The following SMYD3 variants were observed in gnomAD, a reference collection of about 807,000 sequenced individuals.
The protein encoded by SMYD3 is SET and MYND domain containing 3, also known as histone-lysine N-methyltransferase SMYD3.
SMYD3 carries 36 observed loss-of-function variants against 57.7 expected under a neutral mutation model. The observed-to-expected ratio is 0.62, with a 90% confidence interval of 0.48 to 0.82. SMYD3 has a LOEUF of 0.82. SMYD3 is among the 40% of genes least tolerant of loss of function. The pLI is 0.00. For missense variants in SMYD3, 515 were observed against 538.8 expected (o/e 0.96, Z 0.44); for synonymous variants, 211 against 195.0 (o/e 1.08, Z -0.68).
intron 5 of SMYD3, among the ~76,000 whole-genome samples, chr1:245,981,207 A>G (rs1480450883): frequency 6.6e-6 from 1 of 152,218 alleles, no homozygotes; most frequent in African/African-American, 2.4e-5. Flanking sequence ...ATAAATATTG[A>G]GGTTTTAGGA....
At chr1:246,438,352 A>C (rs1166633245) in intron 1 of SMYD3, among the ~76,000 whole-genome samples, 2 of 152,174 alleles carry the variant, frequency 1.3e-5, no homozygotes, top group African/African-American at 4.8e-5. Context: ...TTCTAATATA[A>C]AACACACATA....
intron 7 of SMYD3, among the ~76,000 whole-genome samples, chr1:245,924,663 T>G (rs1306242041): frequency 2.0e-5 from 3 of 149,410 alleles, no homozygotes; most frequent in South Asian, 4.4e-4. Flanking sequence ...AGCTTTTTTT[T>G]TTTTTTTTTT....
At chr1:246,074,748 A>T (rs554751889) in intron 5 of SMYD3, among the ~76,000 whole-genome samples, 1 of 152,168 alleles carries the variant, frequency 6.6e-6, no homozygotes, top group Non-Finnish European at 1.5e-5. Context: ...CTAGTGCATA[A>T]AATGCCTGAA....
At chr1:246,298,441 G>T (rs914296600) in intron 5 of SMYD3, among the ~76,000 whole-genome samples, 3 of 152,046 alleles carry the variant, frequency 2.0e-5, no homozygotes, top group Non-Finnish European at 2.9e-5. Flanking sequence ...GAATGTAAAA[G>T]AAAGCTGAAT....
chr1:246,311,651 ACACGCG>A (rs1217335477), intron 5 of SMYD3, among the ~76,000 whole-genome samples: 2 of 152,200 alleles, frequency 1.3e-5, no homozygotes, highest in Admixed American at 6.5e-5. Flanking sequence ...ACGCATACAC[ACACGCG>A]CACGCGCGCA....
At chr1:246,296,583 T>C (rs1362755293) in intron 5 of SMYD3, among the ~76,000 whole-genome samples, 1 of 152,116 alleles carries the variant, frequency 6.6e-6, no homozygotes, top group Middle Eastern at 3.2e-3. Context: ...ACTAAATTAT[T>C]TTCTGAAACA....
intron 5 of SMYD3, among the ~76,000 whole-genome samples, chr1:246,240,130 A>G (rs1253538436): frequency 1.3e-5 from 2 of 152,040 alleles, no homozygotes; most frequent in Non-Finnish European, 2.9e-5. Context: ...TTTTGTTTCC[A>G]TTGCTTTTGC....
At chr1:246,339,722 C>T (rs1176183049) in intron 2 of SMYD3, among the ~76,000 whole-genome samples, 2 of 152,204 alleles carry the variant, frequency 1.3e-5, no homozygotes, top group Admixed American at 6.5e-5. Flanking sequence ...CCCAGTGCAA[C>T]ATGTTGAGAG....
chr1:245,911,997 G>C (rs1223819071), intron 8 of SMYD3, among the ~76,000 whole-genome samples: 3 of 151,974 alleles, frequency 2.0e-5, no homozygotes, highest in African/African-American at 7.2e-5. Flanking sequence ...ACACAAATAT[G>C]TACAACTATC....
At chr1:246,448,232 C>T (rs2067576661) in intron 1 of SMYD3, among the ~76,000 whole-genome samples, 1 of 152,104 alleles carries the variant, frequency 6.6e-6, no homozygotes, top group Non-Finnish European at 1.5e-5. Context: ...AAAATAATAA[C>T]ATAATCTCTT....
chr1:246,406,742 TAGTA>T (rs1228367251), intron 1 of SMYD3, among the ~76,000 whole-genome samples: 9 of 152,172 alleles, frequency 5.9e-5, no homozygotes, highest in African/African-American at 1.9e-4. Flanking sequence ...ATCACATAGC[TAGTA>T]AGTGACAGTG....
In SMYD3 at chr1:246,355,303, T is replaced by C. The variant is rs2065894666; in HGVS notation, c.165-209A>G. 5 of 539,494 alleles carry C rather than the reference T, an allele frequency of 9.3e-6. No individual in the cohort carries two copies. In the East Asian group the frequency reaches 1.6e-4, roughly 18 times the overall value. The allele number at this position is 539,494 out of a possible 1,614,324, so 33.4% of individuals were successfully genotyped here. A position where few individuals can be genotyped will look rare whatever the true frequency, so the allele number is the denominator to read the frequency against. On this transcript the variant is annotated intron_variant, in intron 1 of 11. Coordinates refer to ENST00000490107, the MANE Select transcript of SMYD3 (RefSeq NM_001167740.2). The surrounding 1 kb of genome is among the most constrained non-coding windows in gnomAD (Gnocchi z 5.0). ...CTGATAGAAAAACTAAGTCCTTTTG[T>C]CTGACAGAAGATGGCGGGGAAGAGG...
intron 10 of SMYD3, among the ~76,000 whole-genome samples, chr1:245,826,630 G>A (rs970944425): frequency 4.4e-4 from 67 of 152,206 alleles, no homozygotes; most frequent in African/African-American, 1.5e-3. Context: ...ATATTAGTTC[G>A]TTTTCACACT....
chr1:246,353,378 A>T (rs1006764033), intron 2 of SMYD3, among the ~76,000 whole-genome samples: 7 of 151,908 alleles, frequency 4.6e-5, no homozygotes, highest in African/African-American at 9.7e-5. Context: ...ATTTTTTTTT[A>T]AATTACCTGG....
At chr1:246,306,984 T>C (rs184319684) in intron 5 of SMYD3, among the ~76,000 whole-genome samples, 2 of 146,798 alleles carry the variant, frequency 1.4e-5, no homozygotes, top group African/African-American at 2.5e-5. Flanking sequence ...TGGGTTTTTC[T>C]TAAGAATGAA....
At chr1:246,142,698 A>G (rs1175955835) in intron 5 of SMYD3, among the ~76,000 whole-genome samples, 1 of 152,180 alleles carries the variant, frequency 6.6e-6, no homozygotes, top group Non-Finnish European at 1.5e-5. Flanking sequence ...TTTCCATGTA[A>G]TATTTTTAGA....
In SMYD3 at chr1:246,172,989, G is replaced by A. The variant is rs111636888; in HGVS notation, c.531+154212C>T. ...ACTGTAGACTTTATCAACACTGTAC[G>A]CTTAGGCTACACAGGCCTAGAACAC... On this transcript the variant is annotated intron_variant, in intron 5 of 11. Coordinates refer to ENST00000490107, the MANE Select transcript of SMYD3 (RefSeq NM_001167740.2). Among the ~76,000 whole-genome samples the A allele has an allele frequency of 2.0e-3, 194 of 99,166 alleles. 1 individual carries two copies. The highest frequency in any genetic ancestry group is 8.9e-3 in the Middle Eastern group (1 of 112). 65.1% of individuals were successfully genotyped at this position (99,166 alleles called of 152,430 possible).
intron 8 of SMYD3, among the ~76,000 whole-genome samples, chr1:245,871,706 T>A (rs2148517575): frequency 6.6e-6 from 1 of 152,072 alleles, no homozygotes; most frequent in African/African-American, 2.4e-5. Flanking sequence ...TCCTTCAACC[T>A]TCCAGAGGCC....
intron 1 of SMYD3, among the ~76,000 whole-genome samples, chr1:246,411,896 A>G (rs1253818134): frequency 2.0e-5 from 3 of 151,108 alleles, no homozygotes; most frequent in African/African-American, 7.3e-5. Context: ...TAATGGGTGC[A>G]GCACACTAAC....
Sources: gnomAD v4.1 joint callset for allele counts (sites outside exome capture counted in the v4.1 genomes callset) on GRCh38, gnomAD v4.1.1 for gene constraint, Gnocchi (gnomAD v3.1) non-coding constraint, MANE v1.5 for transcripts, NCBI Gene and HGNC (gene_info 2026-07-23, HGNC 2026-07-21) for gene names.